The following DCC variants were observed in gnomAD, a reference collection of about 807,000 sequenced individuals.
DCC encodes the protein netrin receptor DCC.
DCC carries 58 observed loss-of-function variants against 172.5 expected under a neutral mutation model. The ratio of observed to expected loss-of-function variants is 0.34; its 90% CI spans 0.27 to 0.42. DCC has a LOEUF of 0.42. Among genes scored for constraint, DCC ranks in the 10% least tolerant of loss-of-function variants. DCC has a pLI of 1.00. For synonymous variants in DCC, 709 were observed against 644.5 expected, an observed-to-expected ratio of 1.10 and a Z score of -1.52; for missense variants, 1,740 against 1,791.0, an observed-to-expected ratio of 0.97 and a Z score of 0.51.
intron 2 of DCC, among the ~76,000 whole-genome samples, chr18:52,774,746 G>C (rs533586557): frequency 1.6e-5 from 2 of 123,408 alleles, no homozygotes; most frequent in Admixed American, 8.6e-5. Flanking sequence ...ACTAGCCTTT[G>C]CCTGCTGGGA....
At chr18:52,899,645 G>A (rs1343314080) in intron 2 of DCC, among the ~76,000 whole-genome samples, 3 of 151,806 alleles carry the variant, frequency 2.0e-5, no homozygotes, top group Non-Finnish European at 2.9e-5. Flanking sequence ...ATGAGCCACC[G>A]TGCCCGGCCT....
chr18:52,700,360 CACACACACAT>C (rs1482511291), intron 1 of DCC, among the ~76,000 whole-genome samples: 1 of 77,814 alleles, frequency 1.3e-5, no homozygotes, highest in African/African-American at 3.5e-5. Flanking sequence ...CTCACATGCA[CACACACACAT>C]GCACACACAT....
intron 26 of DCC, among the ~76,000 whole-genome samples, chr18:53,492,237 A>AT (rs2045967204): frequency 1.3e-5 from 2 of 152,150 alleles, no homozygotes; most frequent in Admixed American, 1.3e-4. Context: ...ATAGATTGCA[A>AT]AAATTTTCTC....
chr18:52,484,908 CT>C (rs2030136356), intron 1 of DCC, among the ~76,000 whole-genome samples: 1 of 151,836 alleles, frequency 6.6e-6, no homozygotes, highest in African/African-American at 2.4e-5. Context: ...GTGCCTAAAA[CT>C]TTTGTTGTCT....
At chr18:52,813,816 A>G (rs929041231) in intron 2 of DCC, among the ~76,000 whole-genome samples, 6 of 152,150 alleles carry the variant, frequency 3.9e-5, no homozygotes, top group Non-Finnish European at 5.9e-5. Context: ...CTTCAGCTGG[A>G]TATTGGTCTT....
At chr18:52,571,837 T>C (rs906059555) in intron 1 of DCC, among the ~76,000 whole-genome samples, 6 of 152,306 alleles carry the variant, frequency 3.9e-5, no homozygotes, top group East Asian at 1.9e-4. Flanking sequence ...CTGACTTCAA[T>C]ATGTCCATCA....
intron 1 of DCC, among the ~76,000 whole-genome samples, chr18:52,487,927 C>T (rs902769781): frequency 2.0e-5 from 3 of 151,516 alleles, no homozygotes; most frequent in African/African-American, 7.3e-5. Flanking sequence ...CGGGATGAGT[C>T]TCCTTCAAGA....
At chr18:53,485,032 T>A (rs1403917463) in intron 25 of DCC, among the ~76,000 whole-genome samples, 4 of 151,856 alleles carry the variant, frequency 2.6e-5, no homozygotes, top group Admixed American at 1.3e-4. Flanking sequence ...GAATGCAAAA[T>A]AGCAGACATG....
At chr18:52,481,031 G>C (rs1373808928) in intron 1 of DCC, among the ~76,000 whole-genome samples, 2 of 152,064 alleles carry the variant, frequency 1.3e-5, no homozygotes, top group African/African-American at 4.8e-5. Context: ...TTTTAACAAA[G>C]ATGTCCTTGA....
Position 53,467,878 on chromosome 18 carries a change from A to G in DCC, c.3620-16A>G. 4 of 1,277,882 alleles carry G rather than the reference A, an allele frequency of 3.1e-6. No homozygotes were observed. Among genetic ancestry groups the G allele is most frequent in the Non-Finnish European group, 4.6e-6 (4 of 872,804 alleles). The allele number at this position is 1,277,882 out of a possible 1,614,324, so 79.2% of individuals were successfully genotyped here. ...CCTTGAAGAGGGCATGTTTCTCAGG[A>G]GTGTGTATTTTTTAGGTCAAGACAC... On this transcript the variant is annotated splice_polypyrimidine_tract_variant and intron_variant, in intron 24 of 28. Transcript: ENST00000442544.
At chr18:52,521,097 G>A (rs1319609) in intron 1 of DCC, among the ~76,000 whole-genome samples, 19,838 of 151,930 alleles carry the variant, frequency 0.13, 1,419 homozygotes, top group South Asian at 0.22. Context: ...GGAAACATTC[G>A]TATTCTTTTT....
intron 2 of DCC, among the ~76,000 whole-genome samples, chr18:52,772,185 C>T (rs1467607249): frequency 6.6e-6 from 1 of 152,028 alleles, no homozygotes; most frequent in Admixed American, 6.6e-5. Flanking sequence ...AGGTAAATGG[C>T]GATTTTGTCA....
intron 1 of DCC, among the ~76,000 whole-genome samples, chr18:52,492,074 T>C (rs1163649177): frequency 6.6e-6 from 1 of 152,016 alleles, no homozygotes; most frequent in African/African-American, 2.4e-5. Flanking sequence ...AGAACCGTCG[T>C]TTACTTCAAG....
chr18:52,765,200 ATTTTT>A (rs563633847), intron 2 of DCC, among the ~76,000 whole-genome samples: 1 of 138,142 alleles, frequency 7.2e-6, no homozygotes, highest in Non-Finnish European at 1.5e-5. Context: ...CTCCTGGCTA[ATTTTT>A]TTTTTTTTTT....
chr18:53,088,646 A>G lies in DCC; in HGVS notation c.1261+22480A>G, dbSNP rs376195250. On this transcript the variant is annotated intron_variant, in intron 7 of 28. Coordinates refer to ENST00000442544, the MANE Select transcript of DCC (RefSeq NM_005215.4). ...CAGTAGCTGTTTTTTTGAAAGGATC[A>G]ACAGAATTGATAGACCGCTAGCAAG... Among the ~76,000 whole-genome samples the G allele has an allele frequency of 4.6e-5, 7 of 152,346 alleles. No individual in the cohort carries two copies. The East Asian group carries it at 5.8e-4, about 13-fold the overall frequency.
rs532311458 is a variant in DCC at position 53,511,944 on chromosome 18, C to G, written c.4111+12434C>G. On this transcript the variant is annotated intron_variant, in intron 27 of 28. Coordinates refer to ENST00000442544, the MANE Select transcript of DCC (RefSeq NM_005215.4). ...AGGTAAACAAAGCAACCAGGAAGCTCGAACTGGGTGGAGCCCACCACAGCT... is the reference window on the plus strand; with the variant it reads ...AGGTAAACAAAGCAACCAGGAAGCTGGAACTGGGTGGAGCCCACCACAGCT... 5.3e-5 allele frequency among the ~76,000 whole-genome samples: 8 copies of G among 152,344 alleles called. No individual in the cohort carries two copies. In the South Asian group the frequency reaches 1.0e-3, roughly 20 times the overall value.
rs569245403 is a variant in DCC, at chr18:53,016,831, TATC to T, written c.986-46472_986-46470del. Among the ~76,000 whole-genome samples, 263 of 152,260 alleles carry T rather than the reference TATC, an allele frequency of 1.7e-3. 1 individual carries two copies. Among genetic ancestry groups the T allele is most frequent in the African/African-American group, 6.0e-3 (251 of 41,582 alleles). On this transcript the variant is annotated intron_variant, in intron 5 of 28. Coordinates refer to ENST00000442544, the MANE Select transcript of DCC (RefSeq NM_005215.4). ...CGTCTGCCCTTTAATGTTTACAGCT[TATC>T]AGCAACTAGAAAATTGAGTCAAGCA...
chr18:53,221,198 T>G (rs1053280826), intron 12 of DCC, among the ~76,000 whole-genome samples: 1 of 152,116 alleles, frequency 6.6e-6, no homozygotes, highest in Non-Finnish European at 1.5e-5. Flanking sequence ...TTTAAGCATT[T>G]GTAAATGTGC....
intron 5 of DCC, among the ~76,000 whole-genome samples, chr18:53,012,499 G>T (rs1178121923): frequency 1.3e-5 from 2 of 151,986 alleles, no homozygotes; most frequent in Non-Finnish European, 2.9e-5. Context: ...TCAGAATAGA[G>T]GTTATTCCAG....
Sources: allele counts gnomAD v4.1 joint callset (sites outside exome capture counted in the v4.1 genomes callset), GRCh38; gene constraint gnomAD v4.1.1; transcripts MANE v1.5; gene names NCBI Gene and HGNC (gene_info 2026-07-23, HGNC 2026-07-21).